CNTNAP2: variants seen among roughly 807,000 people sequenced by gnomAD.
CNTNAP2 encodes contactin associated protein 2.
In CNTNAP2, 98 loss-of-function variants were observed where a neutral mutation model predicts 155.2. The observed-to-expected ratio is 0.63, with a 90% CI of 0.54 to 0.75. The LOEUF is 0.75. CNTNAP2 is among the 30% of genes least tolerant of loss of function. The pLI is 0.00. For missense variants in CNTNAP2, 1,727 were observed against 1,688.1 expected (o/e 1.02, Z -0.40); for synonymous variants, 651 against 631.2 (o/e 1.03, Z -0.47).
chr7:148,282,470 T>C (rs868317458), intron 21 of CNTNAP2, among the ~76,000 whole-genome samples: 6 of 152,336 alleles, frequency 3.9e-5, no homozygotes, highest in African/African-American at 7.2e-5. Flanking sequence ...TCATAAGCTT[T>C]GTTAGGAAGA....
At chr7:147,162,347 G>A (rs536226618) in intron 8 of CNTNAP2, among the ~76,000 whole-genome samples, 5 of 152,090 alleles carry the variant, frequency 3.3e-5, no homozygotes, top group African/African-American at 1.2e-4. Flanking sequence ...TATGAATAAT[G>A]TTGTACAGTA....
intron 21 of CNTNAP2, among the ~76,000 whole-genome samples, chr7:148,281,909 C>G (rs1396625039): frequency 1.4e-5 from 2 of 146,776 alleles, no homozygotes; most frequent in Non-Finnish European, 3.0e-5. Flanking sequence ...GATCTCAGCT[C>G]ACTGCAACCT....
At chr7:147,619,479 A>C (rs549533315) in intron 12 of CNTNAP2, among the ~76,000 whole-genome samples, 1 of 152,236 alleles carries the variant, frequency 6.6e-6, no homozygotes, top group African/African-American at 2.4e-5. Context: ...CGGACCAGGC[A>C]GTATTCATCA....
At chr7:148,198,196 C>G (rs901967023) in intron 18 of CNTNAP2, among the ~76,000 whole-genome samples, 2 of 152,196 alleles carry the variant, frequency 1.3e-5, no homozygotes, top group Admixed American at 1.3e-4. Context: ...CACCACCCCC[C>G]ATGGCAGCAG....
At chr7:146,865,862 A>G (rs1795194780) in intron 3 of CNTNAP2, among the ~76,000 whole-genome samples, 1 of 152,152 alleles carries the variant, frequency 6.6e-6, no homozygotes, top group South Asian at 2.1e-4. Flanking sequence ...TTCACAATAC[A>G]CAAATACAGT....
At chr7:147,373,643 C>G (rs1197897977) in intron 9 of CNTNAP2, among the ~76,000 whole-genome samples, 1 of 151,902 alleles carries the variant, frequency 6.6e-6, no homozygotes, top group Non-Finnish European at 1.5e-5. Flanking sequence ...AGAACTGTTT[C>G]TAGTTGTAAA....
At chr7:147,315,129 A>G (rs1289057543) in intron 9 of CNTNAP2, among the ~76,000 whole-genome samples, 1 of 141,250 alleles carries the variant, frequency 7.1e-6, no homozygotes, top group Non-Finnish European at 1.6e-5. Flanking sequence ...AAAAAAAAAA[A>G]GTCTTTGGCT....
At chr7:146,309,782 C>G (rs1800786640) in intron 1 of CNTNAP2, among the ~76,000 whole-genome samples, 1 of 148,358 alleles carries the variant, frequency 6.7e-6, no homozygotes, top group South Asian at 2.1e-4. Flanking sequence ...GCCTGGGTGA[C>G]CCAGTGAGAC....
chr7:147,192,154 C>T (rs1802692123), intron 8 of CNTNAP2, among the ~76,000 whole-genome samples: 1 of 152,148 alleles, frequency 6.6e-6, no homozygotes, highest in Non-Finnish European at 1.5e-5. Flanking sequence ...ACTCTCAACA[C>T]CAGCCAAAGC....
At chr7:147,810,403 G>A (rs948626596) in intron 13 of CNTNAP2, among the ~76,000 whole-genome samples, 2 of 151,842 alleles carry the variant, frequency 1.3e-5, no homozygotes, top group Admixed American at 6.6e-5. Flanking sequence ...AAAAACAGCT[G>A]TACTAACATG....
At chr7:146,911,533 A>T (rs1290087557) in intron 3 of CNTNAP2, among the ~76,000 whole-genome samples, 1 of 151,800 alleles carries the variant, frequency 6.6e-6, no homozygotes, top group Non-Finnish European at 1.5e-5. Context: ...GGAAATCATC[A>T]TTCTCAGTAA....
At chr7:148,220,481 A>C (rs1029077415) in intron 19 of CNTNAP2, among the ~76,000 whole-genome samples, 1 of 152,186 alleles carries the variant, frequency 6.6e-6, no homozygotes, top group African/African-American at 2.4e-5. Flanking sequence ...TAAAAGAGGG[A>C]GTTGCCATTT....
At chr7:147,429,327 A>G (rs781567566) in intron 10 of CNTNAP2, among the ~76,000 whole-genome samples, 9 of 151,990 alleles carry the variant, frequency 5.9e-5, no homozygotes, top group Middle Eastern at 3.2e-3. Flanking sequence ...CATTTCCCTG[A>G]TAATTAGTGA....
At chr7:148,145,784 C>T (rs1805165748) in intron 16 of CNTNAP2, among the ~76,000 whole-genome samples, 1 of 152,136 alleles carries the variant, frequency 6.6e-6, no homozygotes, top group South Asian at 2.1e-4. Context: ...CCATGGAAAC[C>T]TTGATGGAGG....
intron 3 of CNTNAP2, among the ~76,000 whole-genome samples, chr7:146,884,297 G>T (rs186785191): frequency 3.3e-5 from 5 of 152,240 alleles, no homozygotes; most frequent in Admixed American, 3.3e-4. Context: ...GTTCAAATTT[G>T]TGTGTGAGGT....
At chr7:146,721,192 C>A (rs947871987) in intron 1 of CNTNAP2, among the ~76,000 whole-genome samples, 1 of 131,718 alleles carries the variant, frequency 7.6e-6, no homozygotes, top group East Asian at 2.2e-4. Flanking sequence ...TATATATTCT[C>A]TATATATATT....
chr7:146,246,471 C>G (rs1464083220), intron 1 of CNTNAP2, among the ~76,000 whole-genome samples: 3 of 149,498 alleles, frequency 2.0e-5, no homozygotes, highest in African/African-American at 7.7e-5. Context: ...CCGTCAATAC[C>G]CACAACAGTT....
At chr7:147,999,803 T>A (rs1357997996) in intron 15 of CNTNAP2, among the ~76,000 whole-genome samples, 1 of 152,140 alleles carries the variant, frequency 6.6e-6, no homozygotes, top group Non-Finnish European at 1.5e-5. Flanking sequence ...ATTTTGCAGT[T>A]GCCCTGCCTT....
At position 146,224,830 on chromosome 7, in the gene CNTNAP2, G is replaced by A. The variant is rs528072088; in HGVS notation, c.97+107857G>A. On this transcript the variant is annotated intron_variant, in intron 1 of 23. Transcript: ENST00000361727. ...GATTTGGATAATTCATGTGTCTTTT[G>A]TTTTGATCTCAGAATTTCCTCATTA... Among the ~76,000 whole-genome samples, 101 of 152,248 alleles carry A rather than the reference G, an allele frequency of 6.6e-4. 1 individual carries two copies. In the South Asian group the frequency reaches 0.02, roughly 30 times the overall value.
Sources: allele counts gnomAD v4.1 joint callset (sites outside exome capture counted in the v4.1 genomes callset), GRCh38; gene constraint gnomAD v4.1.1; transcripts MANE v1.5; gene names NCBI Gene and HGNC (gene_info 2026-07-23, HGNC 2026-07-21).